Variants in TSPAN17 observed in about 807,000 individuals in gnomAD.
TSPAN17 encodes the protein tetraspanin 17.
In TSPAN17, 33 loss-of-function variants were observed where a neutral mutation model predicts 40.5. The ratio of observed to expected loss-of-function variants is 0.81; its 90% CI spans 0.62 to 1.09. The LOEUF (loss-of-function observed/expected upper bound fraction) is 1.09, where lower values mean the gene tolerates loss of function less well. Ranked by LOEUF, TSPAN17 falls within the 50% of genes least tolerant of loss-of-function variation. The probability of loss-of-function intolerance (pLI) is 0.00; values close to 1 mark genes in which losing one functional copy is unlikely to be tolerated. For missense variants in TSPAN17, 365 were observed against 416.8 expected, an observed-to-expected ratio of 0.88 and a Z score of 1.08; for synonymous variants, 166 against 169.4, an observed-to-expected ratio of 0.98 and a Z score of 0.15.
rs1160835734 is a variant in TSPAN17 at position 176,651,813 on chromosome 5, G to C, written c.198G>C (p.Leu66=). ...TGGGAGGCCTTGACCCCGTGTGGCT[G>C]TTTGTGGTAGTTGGAGGCGTCATGT... ...TDLGGLDPVW[L]FVVVGGVMSV... The change falls in exon 3 of 9, where the codon CTG becomes CTC. Residue 66 remains leucine (L), a synonymous_variant. Coordinates refer to ENST00000508164, the MANE Select transcript of TSPAN17 (RefSeq NM_130465.5). This position sits in a 1 kb window ranked among gnomAD's most constrained non-coding sequence, Gnocchi z 4.5. 6 of 1,614,074 alleles carry C rather than the reference G, an allele frequency of 3.7e-6. No homozygotes were observed. The highest frequency in any genetic ancestry group is 5.1e-6 in the Non-Finnish European group (6 of 1,180,028).
chr5:176,655,092 C>T, intron 5 of TSPAN17, 72 bp downstream of exon 5: 1 of 1,516,564 alleles, frequency 6.6e-7, no homozygotes, highest in Non-Finnish European at 8.9e-7. Flanking sequence ...TCCCACAGGG[C>T]CCCGCTCCGC....
intron 1 of TSPAN17, among the ~76,000 whole-genome samples, chr5:176,648,833 G>A (rs921423621): frequency 6.6e-6 from 1 of 151,966 alleles, no homozygotes; most frequent in Non-Finnish European, 1.5e-5. Context: ...TCTCACAACT[G>A]CCTTATTATC....
Position 176,651,475 on chromosome 5 carries a change from T to A in TSPAN17, c.88-141T>A. 1 of 863,902 alleles carries A rather than the reference T, an allele frequency of 1.2e-6. No individual in the cohort carries two copies. The allele number at this position is 863,902 out of a possible 1,614,324, so 53.5% of individuals were successfully genotyped here. The stretch of plus-strand genomic sequence containing the variant: ...GCACTGGGATGTGTTCTTGGGAAGA[T>A]GGAAAGGACCCCGGATCCCGTTCAC... On this transcript the variant is annotated intron_variant, in intron 1 of 8. Transcript: ENST00000508164. This position sits in a 1 kb window ranked among gnomAD's most constrained non-coding sequence, Gnocchi z 4.5.
intron 1 of TSPAN17, among the ~76,000 whole-genome samples, chr5:176,648,491 C>T (rs1286150353): frequency 1.3e-5 from 2 of 152,266 alleles, no homozygotes; most frequent in Non-Finnish European, 2.9e-5. Context: ...TGGCCCTCTG[C>T]AGTCTCTGCT....
chr5:176,655,070 T>C, intron 5 of TSPAN17, 50 bp downstream of exon 5: 1 of 1,555,734 alleles, frequency 6.4e-7, no homozygotes, highest in Middle Eastern at 1.7e-4. Flanking sequence ...GTGCACAGAC[T>C]CTGGAGAAAC....
In TSPAN17 at chr5:176,651,979, A is replaced by G; in HGVS notation, c.285+79A>G. 1 of 1,554,470 alleles carries G rather than the reference A, an allele frequency of 6.4e-7. No homozygotes were observed. Among genetic ancestry groups the G allele is most frequent in the Non-Finnish European group, 8.8e-7 (1 of 1,141,892 alleles). ...CTTGCAATACAGTTGGAGCTTAATG[A>G]TGGGTAGCTTTATTATTATGCTATA... On this transcript the variant is annotated intron_variant, in intron 3 of 8. Transcript: ENST00000508164. This position sits in a 1 kb window ranked among gnomAD's most constrained non-coding sequence, Gnocchi z 4.5.
intron 4 of TSPAN17, 47 bp downstream of exon 4, chr5:176,652,960 G>A: frequency 6.3e-7 from 1 of 1,599,590 alleles, no homozygotes; most frequent in Non-Finnish European, 8.6e-7. Flanking sequence ...GCGCCTTCCT[G>A]GCAGACGAAT....
At chr5:176,647,767 T>G in intron 1 of TSPAN17, 65 bp downstream of exon 1, 1 of 1,447,392 alleles carries the variant, frequency 6.9e-7, no homozygotes, top group Non-Finnish European at 9.3e-7. Context: ...TTCAGTCTTT[T>G]GCTGGGGGAG....
In TSPAN17 at chr5:176,656,706, G is replaced by A. The variant is rs779686905; in HGVS notation, c.637G>A (p.Glu213Lys). The A allele has an allele frequency of 6.2e-7, 1 of 1,614,094 alleles. No homozygotes were observed. The highest frequency in any genetic ancestry group is 8.5e-7 in the Non-Finnish European group (1 of 1,179,962). ...GGTGCCTGCGTGTCCCCAGGAGCTG[G>A]AGCAGCAGGGCTTCATCCACACCAA... is the stretch of plus-strand genomic sequence containing the variant. Reference protein sequence around the residue: ...GYDVRLKLELEQQGFIHTKGC... With the variant: ...GYDVRLKLELKQQGFIHTKGC... Residue 213 changes from glutamate (E) to lysine (K), a missense_variant, in exon 7 of 9, where the codon GAG becomes AAG. Coordinates refer to ENST00000508164, the MANE Select transcript of TSPAN17 (RefSeq NM_130465.5).
Position 176,657,602 on chromosome 5 carries a change from CT to C in TSPAN17, c.895del (p.Ser299LeufsTer2). ...TGTCCACGGCGGGGCCTCAGCAGAA[CT>C]CTCTGACTGGGGCCCCTGGCCCGGC... ...VLSTAGPQQN[S>X]LTGAPGPAPP... On this transcript the variant is annotated frameshift_variant, in exon 9 of 9. Coordinates refer to ENST00000508164, the MANE Select transcript of TSPAN17 (RefSeq NM_130465.5). LOFTEE classifies it low-confidence loss of function (END_TRUNC). 1 of 1,613,814 alleles carries C rather than the reference CT, an allele frequency of 6.2e-7. No homozygotes were observed.
In TSPAN17 at chr5:176,654,988, G is replaced by C. The variant is rs746655752; in HGVS notation, c.550G>C (p.Val184Leu). 5 of 1,610,482 alleles carry C rather than the reference G, an allele frequency of 3.1e-6. No homozygotes were observed. The highest frequency in any genetic ancestry group is 4.2e-6 in the Non-Finnish European group (5 of 1,178,316). Residue 184 changes from valine (V) to leucine (L), a missense_variant, in exon 5 of 9, where the codon GTG (valine) becomes CTG (leucine). Val to Leu is a conservative substitution (Grantham distance 32, BLOSUM62 1). Transcript: ENST00000508164. The surrounding 1 kb of genome is among the most constrained non-coding windows in gnomAD (Gnocchi z 4.3). ...DLNPSRERCG[V>L]PFSCCVRDPA... ...GAACCCCAGCCGGGAGCGCTGCGGGGTGCCCTTCTCCTGCTGCGTCAGGGA... is the reference window on the plus strand; with the variant it reads ...GAACCCCAGCCGGGAGCGCTGCGGGCTGCCCTTCTCCTGCTGCGTCAGGGA...
Position 176,647,622 on chromosome 5 carries a change from G to A in TSPAN17, c.7G>A (p.Gly3Ser), listed in dbSNP as rs866895300. 1.3e-6 allele frequency: 2 copies of A among 1,575,130 alleles called. No individual in the cohort carries two copies. The highest frequency in any genetic ancestry group is 1.7e-6 in the Non-Finnish European group (2 of 1,162,856). MP[G>S]KHQHFQEPEV... ...CGGCGGGTGGCCGCTCACCATGCCC[G>A]GCAAGCACCAGCATTTCCAGGAACC... Residue 3 changes from glycine (G) to serine (S), a missense_variant, in exon 1 of 9, where the codon GGC becomes AGC. By Grantham distance (56) the Gly-to-Ser change is moderately conservative. Transcript: ENST00000508164.
At chr5:176,656,857 C>G in intron 7 of TSPAN17, 38 bp from the exon 8 acceptor site, 1 of 1,614,152 alleles carries the variant, frequency 6.2e-7, no homozygotes, top group South Asian at 1.1e-5. Context: ...TTGCCGGGGC[C>G]GCCCTCACTC....
At chr5:176,648,267 C>T (rs1736636052) in intron 1 of TSPAN17, among the ~76,000 whole-genome samples, 1 of 152,194 alleles carries the variant, frequency 6.6e-6, no homozygotes, top group African/African-American at 2.4e-5. Context: ...CAGGGAGGGA[C>T]AATGGCGAGT....
intron 8 of TSPAN17, 180 bp downstream of exon 8, chr5:176,657,136 C>T (rs1361605638): frequency 7.3e-6 from 5 of 686,438 alleles, no homozygotes; most frequent in South Asian, 1.9e-5. Context: ...AGTTGCTGTG[C>T]CTCCGCCTGG....
chr5:176,647,556 C>A lies in TSPAN17; in HGVS notation c.-60C>A. 1 of 1,478,038 alleles carries A rather than the reference C, an allele frequency of 6.8e-7. No homozygotes were observed. Among genetic ancestry groups the A allele is most frequent in the South Asian group, 1.3e-5 (1 of 78,924 alleles). The allele number at this position is 1,478,038 out of a possible 1,614,324, so 91.6% of individuals were successfully genotyped here. On this transcript the variant is annotated 5_prime_UTR_variant, in exon 1 of 9. Transcript: ENST00000508164. ...CGGGCGGCTCTAGCCCAGGGCGGCC[C>A]GCGGGGCGCTGGGCCTGGCTCCCGG... is the stretch of plus-strand genomic sequence containing the variant.
In TSPAN17 at chr5:176,655,117, G is replaced by T. The variant is rs1174477710; in HGVS notation, c.582+97G>T. ...CCCCGCTCCGCTCTGCCCTGCTCTG[G>T]GGGCGTGGATGCTGGGGGACGTCAT... On this transcript the variant is annotated intron_variant, in intron 5 of 8. Coordinates refer to ENST00000508164, the MANE Select transcript of TSPAN17 (RefSeq NM_130465.5). The T allele has an allele frequency of 2.8e-6, 4 of 1,420,462 alleles. No individual in the cohort carries two copies. The African/African-American group carries it at 4.3e-5, about 15-fold the overall frequency. 88.0% of individuals were successfully genotyped at this position (1,420,462 alleles called of 1,614,324 possible). A position where few individuals can be genotyped will look rare whatever the true frequency, so the allele number is the denominator to read the frequency against.
rs1346385862 is a variant in TSPAN17 at position 176,658,071 on chromosome 5, A to G, written c.*373A>G. 1.2e-5 allele frequency: 2 copies of G among 172,476 alleles called. No homozygotes were observed. Among genetic ancestry groups the G allele is most frequent in the Admixed American group, 6.0e-5 (1 of 16,802 alleles). The allele number at this position is 172,476 out of a possible 1,614,324, so 10.7% of individuals were successfully genotyped here. A position where few individuals can be genotyped will look rare whatever the true frequency, so the allele number is the denominator to read the frequency against. On this transcript the variant is annotated 3_prime_UTR_variant, in exon 9 of 9. Transcript: ENST00000508164. ...GAGGGGTGGGATGGGGGTCAGGACA[A>G]TTTTGCAAAAGAAGTAGCTGGAAGC...
chr5:176,652,758 G>C lies in TSPAN17; in HGVS notation c.301G>C (p.Gly101Arg). The C allele has an allele frequency of 3.1e-6, 5 of 1,614,048 alleles. No homozygotes were observed. The highest frequency in any genetic ancestry group is 4.2e-6 in the Non-Finnish European group (5 of 1,179,988). ...FLLKFFSVFL[G>R]LIFFLELATG... Reference sequence around the variant, plus strand: ...CCAACCCCAGTTCTCCGTGTTCCTCGGTCTCATCTTCTTCCTGGAGCTGGC... The same window carrying C: ...CCAACCCCAGTTCTCCGTGTTCCTCCGTCTCATCTTCTTCCTGGAGCTGGC... The change falls in exon 4 of 9, where the codon GGT becomes CGT. Residue 101 changes from glycine (G) to arginine (R), a missense_variant. Coordinates refer to ENST00000508164, the MANE Select transcript of TSPAN17 (RefSeq NM_130465.5).
Sources: gnomAD v4.1 joint callset for allele counts (sites outside exome capture counted in the v4.1 genomes callset) on GRCh38, gnomAD v4.1.1 for gene constraint, Gnocchi (gnomAD v3.1) non-coding constraint, MANE v1.5 for transcripts, NCBI Gene and HGNC (gene_info 2026-07-23, HGNC 2026-07-21) for gene names.